The following ADCY6 variants were observed in gnomAD, a reference collection of about 807,000 sequenced individuals.
ADCY6 encodes the protein adenylate cyclase 6.
In ADCY6, 59 loss-of-function variants were observed where a neutral mutation model predicts 111.6. The observed-to-expected ratio is 0.53, with a 90% confidence interval of 0.43 to 0.66. The LOEUF (loss-of-function observed/expected upper bound fraction) is 0.66, where lower values mean the gene tolerates loss of function less well. Among genes scored for constraint, ADCY6 ranks in the 30% least tolerant of loss-of-function variants. The pLI is 0.00. For missense variants in ADCY6, 1,242 were observed against 1,595.6 expected, an observed-to-expected ratio of 0.78 and a Z score of 3.78; for synonymous variants, 576 against 642.9, an observed-to-expected ratio of 0.90 and a Z score of 1.57.
rs546108808 is a variant in ADCY6 at position 48,769,020 on chromosome 12, G to C, written c.3298C>G (p.Arg1100Gly). The C allele has an allele frequency of 6.2e-7, 1 of 1,613,624 alleles. No homozygotes were observed. Among genetic ancestry groups the C allele is most frequent in the South Asian group, 1.1e-5 (1 of 90,938 alleles). ...GPVVAGVIGARKPQYDIWGNT... is the reference protein window; with the variant it reads ...GPVVAGVIGAGKPQYDIWGNT... ...CCCCAGATGTCATACTGTGGCTTCC[G>C]AGCCCCGATGACACCTGCCACGACT... The change falls in exon 21 of 22, where the codon CGG (arginine) becomes GGG (glycine). Residue 1100 changes from arginine to glycine, a missense_variant. By Grantham distance (125) the Arg-to-Gly change is moderately radical. Transcript: ENST00000357869.
At position 48,769,911 on chromosome 12, in the gene ADCY6, A is replaced by G. The variant is rs555935844; in HGVS notation, c.3257-850T>C. 9.2e-5 allele frequency among the ~76,000 whole-genome samples: 14 copies of G among 151,508 alleles called. No individual in the cohort carries two copies. In the East Asian group the frequency reaches 2.1e-3, roughly 23 times the overall value. ...CGAGTAGCTGGGACTATAGGCGCCCACCACCACACCCGGCTAATTTTTTGT... is the reference window on the plus strand; with the variant it reads ...CGAGTAGCTGGGACTATAGGCGCCCGCCACCACACCCGGCTAATTTTTTGT... On this transcript the variant is annotated intron_variant, in intron 20 of 21. Transcript: ENST00000357869.
chr12:48,769,471 A>G (rs533132361), intron 20 of ADCY6, among the ~76,000 whole-genome samples: 1 of 150,770 alleles, frequency 6.6e-6, no homozygotes, highest in Non-Finnish European at 1.5e-5. Context: ...AGACCTGAGC[A>G]CCTCAGTTTA....
intron 2 of ADCY6, among the ~76,000 whole-genome samples, chr12:48,779,744 G>A (rs1476887751): frequency 6.6e-6 from 1 of 152,212 alleles, no homozygotes; most frequent in Non-Finnish European, 1.5e-5. Context: ...CAGGGCTCTG[G>A]TTTAAGGAGA....
chr12:48,771,920 C>G lies in ADCY6; in HGVS notation c.2841G>C (p.Leu947=). Residue 947 remains leucine, a synonymous_variant, in exon 19 of 22, where the codon CTG becomes CTC. Transcript: ENST00000357869. This position sits in a 1 kb window ranked among gnomAD's most constrained non-coding sequence, Gnocchi z 4.3. Reference sequence around the variant, plus strand: ...CGTCCTTGGGCAGAATGTTATGCAGCAGCCTCCGGTTGTATGCCTGTAGCT... The same window carrying G: ...CGTCCTTGGGCAGAATGTTATGCAGGAGCCTCCGGTTGTATGCCTGTAGCT... The part of the protein sequence containing the change: ...MEELQAYNRR[L]LHNILPKDVA... 6.2e-7 allele frequency: 1 copy of G among 1,614,138 alleles called. No individual in the cohort carries two copies.
chr12:48,787,903 G>A (rs1942009602), intron 1 of ADCY6, among the ~76,000 whole-genome samples: 1 of 152,168 alleles, frequency 6.6e-6, no homozygotes, highest in Non-Finnish European at 1.5e-5. Flanking sequence ...CCAAGGCCCA[G>A]CCCTAAGGAT....
At chr12:48,773,326 A>C in intron 16 of ADCY6, 143 bp downstream of exon 16, 1 of 900,888 alleles carries the variant, frequency 1.1e-6, no homozygotes. Context: ...ACATGCTGGG[A>C]GCTCCTCCAT....
At position 48,773,608 on chromosome 12, in the gene ADCY6, A is replaced by T. The variant is rs746568393; in HGVS notation, c.2482T>A (p.Ser828Thr). 1 of 1,614,030 alleles carries T rather than the reference A, an allele frequency of 6.2e-7. No homozygotes were observed. Among genetic ancestry groups the T allele is most frequent in the African/African-American group, 1.3e-5 (1 of 74,926 alleles). ...GNMLLSLLASSVFLHISSIGK... is the reference protein window; with the variant it reads ...GNMLLSLLASTVFLHISSIGK... Reference sequence around the variant, plus strand: ...ATGCTGCTGATGTGCAGGAAGACAGAGCTGGCCAAGAGACTCAGCAGCATG... The same window carrying T: ...ATGCTGCTGATGTGCAGGAAGACAGTGCTGGCCAAGAGACTCAGCAGCATG... The change falls in exon 16 of 22, where the codon TCT (serine) becomes ACT (threonine). Residue 828 changes from serine to threonine, a missense_variant. Around this residue, in one of 4 missense-constraint regions of ADCY6, gnomAD observed 375 missense variants for 432.5 expected, o/e 0.87. Transcript: ENST00000357869.
chr12:48,782,500 G>GC lies in ADCY6; in HGVS notation c.864+70dup. ...TGACTCACCCGCCCTTCCTCACTAA[G>GC]CCCCCACCTGCTTATGAGGTGAGAA... On this transcript the variant is annotated intron_variant, in intron 2 of 21. Coordinates refer to ENST00000357869, the MANE Select transcript of ADCY6 (RefSeq NM_015270.5). The surrounding 1 kb of genome is among the most constrained non-coding windows in gnomAD (Gnocchi z 4.3). 1 of 1,528,682 alleles carries GC rather than the reference G, an allele frequency of 6.5e-7. No individual in the cohort carries two copies. Among genetic ancestry groups the GC allele is most frequent in the Admixed American group, 2.0e-5 (1 of 50,720 alleles). 94.7% of individuals were successfully genotyped at this position (1,528,682 alleles called of 1,614,324 possible). A position where few individuals can be genotyped will look rare whatever the true frequency, so the allele number is the denominator to read the frequency against.
In ADCY6 at chr12:48,784,790, A is replaced by C. The variant is rs542331024; in HGVS notation, c.-4-1352T>G. On this transcript the variant is annotated intron_variant, in intron 1 of 21. Coordinates refer to ENST00000357869, the MANE Select transcript of ADCY6 (RefSeq NM_015270.5). ...CGGGTTCACACCATTCAGCCTCCCA[A>C]ATAGCTGGGACTACAGGCGCCTGCC... Among the ~76,000 whole-genome samples the C allele has an allele frequency of 3.6e-4, 54 of 149,896 alleles. No individual in the cohort carries two copies. The South Asian group carries it at 3.8e-3, about 11-fold the overall frequency.
Position 48,789,069 on chromosome 12 carries a change from T to C in ADCY6, c.-168A>G, listed in dbSNP as rs1259379730. On this transcript the variant is annotated 5_prime_UTR_variant, in exon 1 of 22. Coordinates refer to ENST00000357869, the MANE Select transcript of ADCY6 (RefSeq NM_015270.5). ...GCCCGGCCCTCGCCCCCTCCCGAGC[T>C]GTCCAGCGCAGCCGCCCTCTACCCC... 1.3e-5 allele frequency: 2 copies of C among 149,800 alleles called. No individual in the cohort carries two copies. Among genetic ancestry groups the C allele is most frequent in the African/African-American group, 4.9e-5 (2 of 40,694 alleles). The allele number at this position is 149,800 out of a possible 1,614,324, so 9.3% of individuals were successfully genotyped here. A position where few individuals can be genotyped will look rare whatever the true frequency, so the allele number is the denominator to read the frequency against.
At position 48,783,064 on chromosome 12, in the gene ADCY6, T is replaced by A; in HGVS notation, c.371A>T (p.Gln124Leu). 6.2e-7 allele frequency: 1 copy of A among 1,613,024 alleles called. No homozygotes were observed. ...SGRSCWRRLV[Q>L]VFQSKQFRSA... Reference sequence around the variant, plus strand: ...ACGGAACTGCTTCGACTGGAACACCTGCACCAGACGGCGCCAGCAGGATCG... The same window carrying A: ...ACGGAACTGCTTCGACTGGAACACCAGCACCAGACGGCGCCAGCAGGATCG... The change falls in exon 2 of 22, where the codon CAG (glutamine) becomes CTG (leucine). Residue 124 changes from glutamine (Q) to leucine (L), a missense_variant. Coordinates refer to ENST00000357869, the MANE Select transcript of ADCY6 (RefSeq NM_015270.5).
chr12:48,774,576 C>G (rs1288786013), intron 13 of ADCY6, 58 bp from the exon 14 acceptor site: 1 of 1,583,848 alleles, frequency 6.3e-7, no homozygotes, highest in Non-Finnish European at 8.7e-7. Context: ...GGAATGGCAA[C>G]CAGGGATGGG....
At position 48,781,213 on chromosome 12, in the gene ADCY6, A is replaced by C. The variant is rs1445695314; in HGVS notation, c.864+1358T>G. On this transcript the variant is annotated intron_variant, in intron 2 of 21. Transcript: ENST00000357869. ...AGACTCCGTCTCAAAAAAAAAAAAA[A>C]ACCACAAAAAAAACAGGTAAGTTCT... Among the ~76,000 whole-genome samples the C allele has an allele frequency of 4.6e-5, 7 of 151,356 alleles. No homozygotes were observed. In the South Asian group the frequency reaches 1.0e-3, roughly 22 times the overall value.
intron 2 of ADCY6, among the ~76,000 whole-genome samples, chr12:48,780,820 C>CT (rs1941823020): frequency 1.3e-5 from 2 of 152,340 alleles, no homozygotes; most frequent in Admixed American, 1.3e-4. Flanking sequence ...GGACCTGGCC[C>CT]TTTAAGATGT....
chr12:48,788,462 G>C (rs568553200), intron 1 of ADCY6, among the ~76,000 whole-genome samples: 13 of 152,152 alleles, frequency 8.5e-5, no homozygotes, highest in Non-Finnish European at 1.5e-4. Context: ...CATTCCCAAG[G>C]TTTTGGGTGA....
In ADCY6 at chr12:48,776,966, T is replaced by G; in HGVS notation, c.1376+138A>C. On this transcript the variant is annotated intron_variant, in intron 6 of 21. Coordinates refer to ENST00000357869, the MANE Select transcript of ADCY6 (RefSeq NM_015270.5). The surrounding 1 kb of genome is among the most constrained non-coding windows in gnomAD (Gnocchi z 6.1). ...GGTCTTTGCACAGGTTGGAGAAAGA[T>G]TCCCCTTCCCAGTGACAGACAGACC... 4.5e-6 allele frequency: 6 copies of G among 1,330,456 alleles called. No homozygotes were observed. Among genetic ancestry groups the G allele is most frequent in the Non-Finnish European group, 6.1e-6 (6 of 981,266 alleles). 82.4% of individuals were successfully genotyped at this position (1,330,456 alleles called of 1,614,324 possible). A position where few individuals can be genotyped will look rare whatever the true frequency, so the allele number is the denominator to read the frequency against.
In ADCY6 at chr12:48,768,578, T is replaced by C. The variant is rs1332907381; in HGVS notation, c.*13A>G. 1 of 1,614,082 alleles carries C rather than the reference T, an allele frequency of 6.2e-7. No individual in the cohort carries two copies. The highest frequency in any genetic ancestry group is 1.6e-4 in the Middle Eastern group (1 of 6,062). The stretch of plus-strand genomic sequence containing the variant: ...ACCTTGGTCCCTTCAGCTGAATTTG[T>C]GGCTGGGCCCTGTTAACTGCTGGGG... On this transcript the variant is annotated 3_prime_UTR_variant, in exon 22 of 22. Coordinates refer to ENST00000357869, the MANE Select transcript of ADCY6 (RefSeq NM_015270.5).
At chr12:48,787,256 C>A (rs1941995085) in intron 1 of ADCY6, among the ~76,000 whole-genome samples, 1 of 151,960 alleles carries the variant, frequency 6.6e-6, no homozygotes, top group Admixed American at 6.6e-5. Flanking sequence ...AACACACCAC[C>A]CCCACCAGCA....
chr12:48,773,788 G>A (rs766467998), intron 15 of ADCY6, 141 bp from the exon 16 acceptor site: 1 of 1,433,936 alleles, frequency 7.0e-7, no homozygotes, highest in Non-Finnish European at 9.6e-7. Flanking sequence ...TCCATGCCCA[G>A]CCCCTACAAC....
Sources: gnomAD v4.1 joint callset for allele counts (sites outside exome capture counted in the v4.1 genomes callset) on GRCh38, gnomAD v4.1.1 for gene constraint, gnomAD v4.1.1 regional missense constraint, Gnocchi (gnomAD v3.1) non-coding constraint, MANE v1.5 for transcripts, NCBI Gene and HGNC (gene_info 2026-07-23, HGNC 2026-07-21) for gene names.